The following PLGRKT variants were observed in gnomAD, a reference collection of about 807,000 sequenced individuals.
PLGRKT encodes plasminogen receptor with a C-terminal lysine, also known as plasminogen receptor (KT).
PLGRKT carries 22 observed loss-of-function variants against 18.5 expected under a neutral mutation model. The observed-to-expected ratio is 1.19, with a 90% confidence interval of 0.85 to 1.70. The LOEUF is 1.70. Among genes scored for constraint, PLGRKT ranks in the 40% most tolerant of loss-of-function variants. The probability of loss-of-function intolerance (pLI) is 0.00; values close to 1 mark genes in which losing one functional copy is unlikely to be tolerated. For synonymous variants in PLGRKT, 72 were observed against 52.8 expected (o/e 1.36, Z -1.58); for missense variants, 235 against 174.4 (o/e 1.35, Z -1.96).
At chr9:5,366,368 G>C (rs7024755) in intron 3 of PLGRKT, among the ~76,000 whole-genome samples, 38,827 of 151,970 alleles carry the variant, frequency 0.26, 5,175 homozygotes, top group African/African-American at 0.32. Context: ...ATTCTTTATC[G>C]TATTTTAAAA....
chr9:5,380,459 C>T (rs1204841026), intron 3 of PLGRKT, among the ~76,000 whole-genome samples: 1 of 151,482 alleles, frequency 6.6e-6, no homozygotes, highest in Non-Finnish European at 1.5e-5. Context: ...TCTATTAACT[C>T]ATTTACTCCT....
At chr9:5,387,071 G>C (rs530397180) in intron 3 of PLGRKT, among the ~76,000 whole-genome samples, 1 of 152,062 alleles carries the variant, frequency 6.6e-6, no homozygotes, top group Non-Finnish European at 1.5e-5. Flanking sequence ...AATCACCTGG[G>C]GGATTTGCTC....
chr9:5,432,076 T>TAAA, intron 2 of PLGRKT, 93 bp from the exon 3 acceptor site: 1 of 500,418 alleles, frequency 2.0e-6, no homozygotes, highest in Non-Finnish European at 3.6e-6. Flanking sequence ...TATGACAAAG[T>TAAA]AAAAAAAAAA....
chr9:5,379,320 G>T (rs1013828622), intron 3 of PLGRKT, among the ~76,000 whole-genome samples: 3 of 152,066 alleles, frequency 2.0e-5, no homozygotes, highest in Non-Finnish European at 4.4e-5. Flanking sequence ...TACAAAAAAA[G>T]AAAACTTTGA....
intron 3 of PLGRKT, among the ~76,000 whole-genome samples, chr9:5,403,443 T>G (rs952443551): frequency 1.5e-4 from 23 of 152,274 alleles, no homozygotes; most frequent in African/African-American, 5.5e-4. Flanking sequence ...CAGGCTGGTC[T>G]CGAACTCCTG....
intron 3 of PLGRKT, among the ~76,000 whole-genome samples, chr9:5,374,286 A>G (rs1181714620): frequency 6.6e-6 from 1 of 152,172 alleles, no homozygotes; most frequent in Non-Finnish European, 1.5e-5. Flanking sequence ...GGTGATCACT[A>G]AACTGTGTTT....
intron 3 of PLGRKT, among the ~76,000 whole-genome samples, chr9:5,391,884 T>A (rs1209007227): frequency 1.3e-5 from 2 of 151,860 alleles, no homozygotes; most frequent in Non-Finnish European, 2.9e-5. Context: ...GCACCTCCCC[T>A]CCCTCATCCT....
chr9:5,409,466 G>T (rs1818319086), intron 3 of PLGRKT, among the ~76,000 whole-genome samples: 1 of 152,166 alleles, frequency 6.6e-6, no homozygotes, highest in Admixed American at 6.5e-5. Flanking sequence ...GGCTATCCTT[G>T]CTCCTTAGCC....
intron 3 of PLGRKT, among the ~76,000 whole-genome samples, chr9:5,372,449 C>A (rs1238771322): frequency 6.6e-6 from 1 of 152,200 alleles, no homozygotes; most frequent in East Asian, 1.9e-4. Context: ...TTGAACAGAA[C>A]AAGATTGATT....
chr9:5,364,187 G>C (rs1431485555), intron 3 of PLGRKT, among the ~76,000 whole-genome samples: 3 of 152,162 alleles, frequency 2.0e-5, no homozygotes, highest in African/African-American at 7.2e-5. Flanking sequence ...GATCAATTAA[G>C]TCAGGATCTG....
intron 3 of PLGRKT, among the ~76,000 whole-genome samples, chr9:5,374,746 G>A (rs1817595208): frequency 6.6e-6 from 1 of 152,104 alleles, no homozygotes; most frequent in Non-Finnish European, 1.5e-5. Flanking sequence ...AAAAACAAAA[G>A]TAGATTATGG....
At chr9:5,375,976 A>G (rs538457488) in intron 3 of PLGRKT, among the ~76,000 whole-genome samples, 1 of 152,366 alleles carries the variant, frequency 6.6e-6, no homozygotes, top group Non-Finnish European at 1.5e-5. Flanking sequence ...ATGACTCGGT[A>G]AACAAAATGT....
intron 3 of PLGRKT, among the ~76,000 whole-genome samples, chr9:5,386,557 C>T (rs1288819131): frequency 6.6e-6 from 1 of 151,838 alleles, no homozygotes; most frequent in South Asian, 2.1e-4. Context: ...TTGAGAAATT[C>T]TGGCCTCAAT....
rs77235747 is a variant in PLGRKT, at chr9:5,413,558, G to C, written c.81+18339C>G. Among the ~76,000 whole-genome samples the C allele has an allele frequency of 5.2e-3, 786 of 152,320 alleles. 7 individuals carry two copies. The highest frequency in any genetic ancestry group is 0.018 in the African/African-American group (738 of 41,574). Reference sequence around the variant, plus strand: ...AAGATGCCATGCTGCTAGCTTAAATGTGGAGGAAGGGCCCATGAGCCAAGG... The same window carrying C: ...AAGATGCCATGCTGCTAGCTTAAATCTGGAGGAAGGGCCCATGAGCCAAGG... On this transcript the variant is annotated intron_variant, in intron 3 of 5. Coordinates refer to ENST00000223864, the MANE Select transcript of PLGRKT (RefSeq NM_018465.4).
chr9:5,362,947 AG>A, intron 3 of PLGRKT, among the ~76,000 whole-genome samples: 1 of 152,252 alleles, frequency 6.6e-6, no homozygotes, highest in African/African-American at 2.4e-5. Context: ...AAATGGTTTC[AG>A]GGCAGACCTT....
intron 3 of PLGRKT, among the ~76,000 whole-genome samples, chr9:5,388,258 C>A (rs1013946214): frequency 6.6e-6 from 1 of 151,748 alleles, no homozygotes; most frequent in Admixed American, 6.6e-5. Context: ...GGGAGACAGG[C>A]TGCAAGTGTG....
At chr9:5,385,053 G>C (rs1383606348) in intron 3 of PLGRKT, among the ~76,000 whole-genome samples, 3 of 152,154 alleles carry the variant, frequency 2.0e-5, no homozygotes, top group Non-Finnish European at 4.4e-5. Flanking sequence ...GGTGGGGCCA[G>C]GGGAGGGCAG....
intron 3 of PLGRKT, among the ~76,000 whole-genome samples, chr9:5,403,915 A>C (rs551036648): frequency 3.9e-5 from 6 of 152,266 alleles, no homozygotes; most frequent in Admixed American, 1.3e-4. Context: ...AGAAGATTCA[A>C]ATAAACACAA....
Position 5,381,809 on chromosome 9 carries a change from T to C in PLGRKT, c.82-19921A>G, listed in dbSNP as rs751453222. Reference sequence around the variant, plus strand: ...GGTCTAGAAACATGGCCAACAATTGTAGTTTTAAAAAATACATAAAGCAAA... The same window carrying C: ...GGTCTAGAAACATGGCCAACAATTGCAGTTTTAAAAAATACATAAAGCAAA... On this transcript the variant is annotated intron_variant, in intron 3 of 5. Coordinates refer to ENST00000223864, the MANE Select transcript of PLGRKT (RefSeq NM_018465.4). The C allele has an allele frequency of 1.3e-5, 11 of 858,368 alleles. No homozygotes were observed. In the African/African-American group the frequency reaches 1.3e-4, roughly 10 times the overall value. 53.2% of individuals were successfully genotyped at this position (858,368 alleles called of 1,614,324 possible).
Sources: allele counts gnomAD v4.1 joint callset (sites outside exome capture counted in the v4.1 genomes callset), GRCh38; gene constraint gnomAD v4.1.1; transcripts MANE v1.5; gene names NCBI Gene and HGNC (gene_info 2026-07-23, HGNC 2026-07-21).